The following TACR3 variants were observed in gnomAD, a reference collection of about 807,000 sequenced individuals.
The protein encoded by TACR3 is tachykinin receptor 3, also known as neuromedin-K receptor.
A neutral mutation model predicts 35.0 loss-of-function variants in TACR3; 34 were observed. The observed-to-expected ratio is 0.97, with a 90% CI of 0.74 to 1.30. The LOEUF (loss-of-function observed/expected upper bound fraction) is 1.30. Among genes scored for constraint, TACR3 ranks in the 50% most tolerant of loss-of-function variants. The probability of loss-of-function intolerance (pLI) is 0.00; values close to 1 mark genes in which losing one functional copy is unlikely to be tolerated. For synonymous variants in TACR3, 233 were observed against 221.1 expected, an observed-to-expected ratio of 1.05 and a Z score of -0.48; for missense variants, 558 against 591.7, an observed-to-expected ratio of 0.94 and a Z score of 0.59.
chr4:103,670,163 G>C (rs190679566), intron 1 of TACR3, among the ~76,000 whole-genome samples: 2 of 152,056 alleles, frequency 1.3e-5, no homozygotes, highest in Admixed American at 6.6e-5. Context: ...TTTATTTCAT[G>C]GTTCTCTATT....
At chr4:103,617,754 A>T (rs553910793) in intron 3 of TACR3, among the ~76,000 whole-genome samples, 1 of 152,310 alleles carries the variant, frequency 6.6e-6, no homozygotes, top group South Asian at 2.1e-4. Context: ...CAAGCAAGAA[A>T]ATGTATAGCA....
intron 3 of TACR3, among the ~76,000 whole-genome samples, chr4:103,622,967 G>C (rs1292150220): frequency 6.6e-6 from 1 of 151,880 alleles, no homozygotes; most frequent in Non-Finnish European, 1.5e-5. Flanking sequence ...TGAATCAGAG[G>C]GCAAAATTTA....
chr4:103,649,329 T>C (rs559354645), intron 3 of TACR3, among the ~76,000 whole-genome samples: 50 of 152,222 alleles, frequency 3.3e-4, no homozygotes, highest in African/African-American at 8.7e-4. Flanking sequence ...TGGTTGCCTG[T>C]GCTTGTTGGG....
intron 3 of TACR3, among the ~76,000 whole-genome samples, chr4:103,653,418 T>G (rs757569351): frequency 1.3e-5 from 2 of 152,076 alleles, no homozygotes; most frequent in Non-Finnish European, 2.9e-5. Context: ...AAACATTACA[T>G]GCATATGAAG....
At position 103,719,260 on chromosome 4, in the gene TACR3, G is replaced by T. The variant is rs1723155703; in HGVS notation, c.416C>A (p.Thr139Lys). Residue 139 changes from threonine to lysine, a missense_variant, in exon 1 of 5, where the codon ACG becomes AAG. Physicochemically the swap from Thr to Lys is moderately conservative, Grantham distance 78 (BLOSUM62 -1). Transcript: ENST00000304883. ...FSDASMAAFN[T>K]LVNFIYALHS... is the part of the protein sequence containing the mutation. ...AAGCGCGTAGATGAAATTGACCAAC[G>T]TGTTGAAGGCGGCCATGGAGGCGTC... 1 of 1,614,086 alleles carries T rather than the reference G, an allele frequency of 6.2e-7. No homozygotes were observed. Among genetic ancestry groups the T allele is most frequent in the Non-Finnish European group, 8.5e-7 (1 of 1,180,052 alleles).
At chr4:103,592,332 C>T (rs75937055) in intron 3 of TACR3, among the ~76,000 whole-genome samples, 2,597 of 152,254 alleles carry the variant, frequency 0.017, 72 homozygotes, top group African/African-American at 0.06. Context: ...GTTTATGCAA[C>T]TGTTTTATGC....
intron 3 of TACR3, among the ~76,000 whole-genome samples, chr4:103,624,979 C>T (rs1317075520): frequency 6.6e-6 from 1 of 151,612 alleles, no homozygotes; most frequent in African/African-American, 2.4e-5. Flanking sequence ...AGCAGCAAGA[C>T]AGGGAAAGGT....
At chr4:103,629,894 A>C (rs1461524637) in intron 3 of TACR3, among the ~76,000 whole-genome samples, 1 of 117,890 alleles carries the variant, frequency 8.5e-6, no homozygotes, top group South Asian at 2.5e-4. Context: ...CAACAACAAC[A>C]AAAAAAAACA....
At chr4:103,591,095 C>T in intron 4 of TACR3, 1 of 258,830 alleles carries the variant, frequency 3.9e-6, no homozygotes. Context: ...ATCATCTCTC[C>T]ATCTTATAGA....
intron 3 of TACR3, among the ~76,000 whole-genome samples, chr4:103,637,352 A>T (rs1725216545): frequency 6.6e-6 from 1 of 152,162 alleles, no homozygotes; most frequent in Non-Finnish European, 1.5e-5. Context: ...TGATTATCTC[A>T]ATAGATGCAG....
rs1724344309 is a variant in TACR3, at chr4:103,605,857, G to T, written c.889-14174C>A. Among the ~76,000 whole-genome samples the T allele has an allele frequency of 2.6e-5, 4 of 152,042 alleles. No individual in the cohort carries two copies. The South Asian group carries it at 6.2e-4, about 24-fold the overall frequency. ...GATCCCATTTGTCAATTTTGTCTTT[G>T]GTTGCCATGGCTTTTGGTGTTTTAG... On this transcript the variant is annotated intron_variant, in intron 3 of 4. Transcript: ENST00000304883.
chr4:103,633,820 A>C (rs1464238770), intron 3 of TACR3, among the ~76,000 whole-genome samples: 1 of 152,104 alleles, frequency 6.6e-6, no homozygotes, highest in African/African-American at 2.4e-5. Flanking sequence ...TAATTCCTCC[A>C]TAGGTTTGTT....
At chr4:103,658,531 A>C (rs1725777180) in intron 1 of TACR3, 128 bp from the exon 2 acceptor site, 1 of 830,670 alleles carries the variant, frequency 1.2e-6, no homozygotes, top group Admixed American at 2.1e-5. Context: ...CCAGTTGATA[A>C]GGACTGCTTG....
intron 1 of TACR3, among the ~76,000 whole-genome samples, chr4:103,678,293 A>C (rs17033990): frequency 0.022 from 3,354 of 152,188 alleles, 131 homozygotes; most frequent in African/African-American, 0.076. Context: ...TGGCAGTGCC[A>C]GTGTATTCTC....
intron 1 of TACR3, among the ~76,000 whole-genome samples, chr4:103,665,305 A>ATGACTATTCATATATGTATATATGAC: frequency 7.3e-6 from 1 of 136,538 alleles, no homozygotes; most frequent in Non-Finnish European, 1.7e-5. Flanking sequence ...GTATATATGA[A>ATGACTATTCATATATGTATATATGAC]TATATACATA....
chr4:103,671,589 G>C (rs1236864343), intron 1 of TACR3, among the ~76,000 whole-genome samples: 2 of 151,920 alleles, frequency 1.3e-5, no homozygotes, highest in East Asian at 1.9e-4. Context: ...TTGCACAATA[G>C]TAGTCTCTAA....
chr4:103,701,291 C>A (rs1722643572), intron 1 of TACR3, among the ~76,000 whole-genome samples: 1 of 151,714 alleles, frequency 6.6e-6, no homozygotes, highest in African/African-American at 2.4e-5. Flanking sequence ...AGTGAACTCC[C>A]ATTCACAATT....
At chr4:103,623,117 T>G (rs933234135) in intron 3 of TACR3, among the ~76,000 whole-genome samples, 136 of 152,178 alleles carry the variant, frequency 8.9e-4, no homozygotes, top group African/African-American at 3.2e-3. Flanking sequence ...ATCCTCCTCT[T>G]CACAGGAGGA....
At chr4:103,639,056 G>C (rs1462905422) in intron 3 of TACR3, among the ~76,000 whole-genome samples, 1 of 152,130 alleles carries the variant, frequency 6.6e-6, no homozygotes, top group Non-Finnish European at 1.5e-5. Flanking sequence ...TCTAGAGCTA[G>C]AAATACCATT....
Sources: allele counts gnomAD v4.1 joint callset (sites outside exome capture counted in the v4.1 genomes callset), GRCh38; gene constraint gnomAD v4.1.1; transcripts MANE v1.5; gene names NCBI Gene and HGNC (gene_info 2026-07-23, HGNC 2026-07-21).